Variants in CMC1 observed in about 807,000 individuals in gnomAD.
CMC1 encodes C-X9-C motif containing 1.
A neutral mutation model predicts 14.1 loss-of-function variants in CMC1; 14 were observed. That is an observed-to-expected ratio of 0.99 (90% CI 0.66 to 1.55). CMC1 has a LOEUF of 1.55. Among genes scored for constraint, CMC1 ranks in the 40% most tolerant of loss-of-function variants. The pLI, the probability that CMC1 is intolerant of heterozygous loss-of-function variation, is 0.00. For synonymous variants in CMC1, 50 were observed against 38.4 expected, an observed-to-expected ratio of 1.30 and a Z score of -1.12; for missense variants, 127 against 123.8, an observed-to-expected ratio of 1.03 and a Z score of -0.12.
intron 2 of CMC1, among the ~76,000 whole-genome samples, chr3:28,306,599 T>C (rs1702322091): frequency 6.6e-6 from 1 of 152,184 alleles, no homozygotes; most frequent in Non-Finnish European, 1.5e-5. Flanking sequence ...ATTTTCTAAA[T>C]ATATAATAAT....
At chr3:28,272,210 T>A (rs563199918) in intron 2 of CMC1, among the ~76,000 whole-genome samples, 1 of 152,172 alleles carries the variant, frequency 6.6e-6, no homozygotes, top group Non-Finnish European at 1.5e-5. Context: ...TTGAATAACC[T>A]TTCATTTTCT....
intron 2 of CMC1, among the ~76,000 whole-genome samples, chr3:28,293,841 C>A (rs1701611074): frequency 1.3e-5 from 2 of 152,014 alleles, no homozygotes; most frequent in Admixed American, 1.3e-4. Context: ...CTCAGCCTCC[C>A]AAAATGTTGG....
At chr3:28,309,667 T>C (rs190655231) in intron 2 of CMC1, among the ~76,000 whole-genome samples, 2 of 152,110 alleles carry the variant, frequency 1.3e-5, no homozygotes, top group African/African-American at 4.8e-5. Context: ...CTCTGCCTAC[T>C]CTAAGGTTCT....
chr3:28,281,473 A>G (rs985244627), intron 2 of CMC1, among the ~76,000 whole-genome samples: 18 of 152,344 alleles, frequency 1.2e-4, no homozygotes, highest in Middle Eastern at 6.8e-3. Context: ...AACTTCTGAT[A>G]TTGCTCTGAA....
chr3:28,255,326 C>T (rs35768817), intron 1 of CMC1, among the ~76,000 whole-genome samples: 28,606 of 150,626 alleles, frequency 0.19, 3,146 homozygotes, highest in Middle Eastern at 0.27. Context: ...CTGCAACCTC[C>T]GCCTCCCGGG....
rs1703113612 is a variant in CMC1, at chr3:28,319,537, T to A, written c.229T>A (p.Cys77Ser). 6.2e-7 allele frequency: 1 copy of A among 1,605,520 alleles called. No homozygotes were observed. Among genetic ancestry groups the A allele is most frequent in the Non-Finnish European group, 8.5e-7 (1 of 1,174,452 alleles). Residue 77 changes from cysteine (C) to serine (S), a missense_variant, in exon 4 of 4, where the codon TGC becomes AGC. Coordinates refer to ENST00000466830, the MANE Select transcript of CMC1 (RefSeq NM_182523.2). ...TAATGATCCAGCCTTTTATGAAGAA[T>A]GCAAAATGGAATACCTGAAGGAAAG... is the stretch of plus-strand genomic sequence containing the variant. ...YYNDPAFYEE[C>S]KMEYLKEREE... is the part of the protein sequence containing the mutation.
chr3:28,307,226 A>T (rs1702366720), intron 2 of CMC1, among the ~76,000 whole-genome samples: 2 of 152,218 alleles, frequency 1.3e-5, no homozygotes, highest in Non-Finnish European at 2.9e-5. Flanking sequence ...CACTCCTGTT[A>T]AATGTCTAAT....
At chr3:28,278,953 ATTAC>A (rs1479042092) in intron 2 of CMC1, among the ~76,000 whole-genome samples, 4 of 152,210 alleles carry the variant, frequency 2.6e-5, no homozygotes, top group Non-Finnish European at 5.9e-5. Flanking sequence ...TCAATTAGCT[ATTAC>A]TTTATATTAC....
chr3:28,258,837 A>ATGGTC (rs1226048349), intron 1 of CMC1, among the ~76,000 whole-genome samples: 2 of 151,672 alleles, frequency 1.3e-5, no homozygotes, highest in East Asian at 1.9e-4. Context: ...GTTAGCCAGG[A>ATGGTC]TGGTCTCGAT....
intron 2 of CMC1, among the ~76,000 whole-genome samples, chr3:28,282,372 T>C (rs1318505816): frequency 6.6e-6 from 1 of 152,208 alleles, no homozygotes; most frequent in East Asian, 1.9e-4. Flanking sequence ...AGAATGAGCA[T>C]TAACTGCAAT....
chr3:28,257,953 C>T (rs1699504354), intron 1 of CMC1, among the ~76,000 whole-genome samples: 1 of 151,802 alleles, frequency 6.6e-6, no homozygotes, highest in Non-Finnish European at 1.5e-5. Context: ...TTCACATTCT[C>T]TCCAACGTTG....
At chr3:28,253,987 T>G (rs1211223359) in intron 1 of CMC1, among the ~76,000 whole-genome samples, 1 of 152,198 alleles carries the variant, frequency 6.6e-6, no homozygotes, top group African/African-American at 2.4e-5. Context: ...AGCACTGCCA[T>G]ATTGCAAGAA....
At position 28,265,866 on chromosome 3, in the gene CMC1, A is replaced by G. The variant is rs528767431; in HGVS notation, c.109+2486A>G. On this transcript the variant is annotated intron_variant, in intron 2 of 3. Coordinates refer to ENST00000466830, the MANE Select transcript of CMC1 (RefSeq NM_182523.2). ...TTTGGACTTGATCTAATTTGCTAGC[A>G]TTAATTAGTTTCTTTTGAGCACAGA... 7.9e-5 allele frequency among the ~76,000 whole-genome samples: 12 copies of G among 152,324 alleles called. No homozygotes were observed. In the East Asian group the frequency reaches 1.3e-3, roughly 17 times the overall value.
intron 2 of CMC1, among the ~76,000 whole-genome samples, chr3:28,263,916 G>GT (rs763702590): frequency 2.2e-4 from 33 of 152,176 alleles, no homozygotes; most frequent in Admixed American, 4.6e-4. Flanking sequence ...AGCTACAAGT[G>GT]TATGTTTTCT....
At chr3:28,285,929 T>C (rs1385574636) in intron 2 of CMC1, among the ~76,000 whole-genome samples, 1 of 152,002 alleles carries the variant, frequency 6.6e-6, no homozygotes, top group African/African-American at 2.4e-5. Context: ...CACACCCGGC[T>C]AATTTTTTTG....
rs1288292482 is a variant in CMC1, at chr3:28,324,478, TGTCA to T, written c.*4852_*4855del. ...GGCTAAAAAGAAAACACAGACTAAA[TGTCA>T]GTTTTCATTACATTTGTGATCATAA... On this transcript the variant is annotated 3_prime_UTR_variant, in exon 4 of 4. Transcript: ENST00000466830. The T allele has an allele frequency of 7.0e-7, 1 of 1,435,676 alleles. No homozygotes were observed. 88.9% of individuals were successfully genotyped at this position (1,435,676 alleles called of 1,614,324 possible).
At position 28,241,759 on chromosome 3, in the gene CMC1, C is replaced by T. The variant is rs1234677428; in HGVS notation, c.-35C>T. 59 of 1,241,672 alleles carry T rather than the reference C, an allele frequency of 4.8e-5. No individual in the cohort carries two copies. The highest frequency in any genetic ancestry group is 5.9e-5 in the Non-Finnish European group (58 of 988,106). 76.9% of individuals were successfully genotyped at this position (1,241,672 alleles called of 1,614,324 possible). On this transcript the variant is annotated 5_prime_UTR_variant, in exon 1 of 4. Coordinates refer to ENST00000466830, the MANE Select transcript of CMC1 (RefSeq NM_182523.2). ...ACTCCCCTTCCTGCGTGCCCCGGAG[C>T]CGCCAAGCGGCTACGTTCTTCTCGG...
chr3:28,282,336 T>A (rs1700941573), intron 2 of CMC1, among the ~76,000 whole-genome samples: 1 of 152,202 alleles, frequency 6.6e-6, no homozygotes, highest in Non-Finnish European at 1.5e-5. Flanking sequence ...ACCCGTGGCA[T>A]TTATTCAGAG....
chr3:28,274,185 C>T (rs1240112440), intron 2 of CMC1, among the ~76,000 whole-genome samples: 1 of 131,092 alleles, frequency 7.6e-6, no homozygotes, highest in Non-Finnish European at 1.6e-5. Context: ...TTCATAGTGT[C>T]ATTGGTCTTT....
Sources: gnomAD v4.1 joint callset for allele counts (sites outside exome capture counted in the v4.1 genomes callset) on GRCh38, gnomAD v4.1.1 for gene constraint, MANE v1.5 for transcripts, NCBI Gene and HGNC (gene_info 2026-07-23, HGNC 2026-07-21) for gene names.